The following PCNX1 variants were observed in gnomAD, a reference collection of about 807,000 sequenced individuals.
PCNX1 encodes the protein pecanex-like protein 1.
In PCNX1, 78 loss-of-function variants were observed where a neutral mutation model predicts 242.2. The ratio of observed to expected loss-of-function variants is 0.32; its 90% CI spans 0.27 to 0.39. The LOEUF (loss-of-function observed/expected upper bound fraction) is 0.39. Among genes scored for constraint, PCNX1 ranks in the 10% least tolerant of loss-of-function variants. PCNX1 has a pLI of 1.00. For missense variants in PCNX1, 2,581 were observed against 2,856.5 expected, an observed-to-expected ratio of 0.90 and a Z score of 2.20; for synonymous variants, 1,024 against 1,032.9, an observed-to-expected ratio of 0.99 and a Z score of 0.17.
chr14:71,004,815 A>G (rs903659848), intron 8 of PCNX1, among the ~76,000 whole-genome samples: 1 of 152,210 alleles, frequency 6.6e-6, no homozygotes, highest in African/African-American at 2.4e-5. Context: ...ACACAGTGCT[A>G]TCTCCATCAG....
chr14:71,109,332 T>A (rs903735957), intron 34 of PCNX1, 120 bp from the exon 35 acceptor site: 2 of 943,892 alleles, frequency 2.1e-6, no homozygotes, highest in Non-Finnish European at 1.6e-6. Context: ...ATTTTTTTTT[T>A]ATTCCATTAT....
intron 28 of PCNX1, among the ~76,000 whole-genome samples, chr14:71,086,515 G>A (rs2061993675): frequency 6.6e-6 from 1 of 152,146 alleles, no homozygotes; most frequent in African/African-American, 2.4e-5. Flanking sequence ...GGCTTGCTTT[G>A]GAGGGACCAG....
chr14:70,962,286 T>C lies in PCNX1; in HGVS notation c.423T>C (p.Gly141=), dbSNP rs2058243289. ...TCCGAGAGGCCACACCCCCAGTTGG[T>C]TGCAGTTCCAGAAATTCTTATGCCG... is the stretch of plus-strand genomic sequence containing the variant. The part of the protein sequence containing the change: ...EFIREATPPV[G]CSSRNSYAGL... The change falls in exon 3 of 36, where the codon GGT becomes GGC. Residue 141 remains glycine, a synonymous_variant. Coordinates refer to ENST00000304743, the MANE Select transcript of PCNX1 (RefSeq NM_014982.3). 6.2e-7 allele frequency: 1 copy of C among 1,613,564 alleles called. No homozygotes were observed. Among genetic ancestry groups the C allele is most frequent in the South Asian group, 1.1e-5 (1 of 91,066 alleles).
chr14:71,036,753 T>C (rs2060547813), intron 19 of PCNX1, among the ~76,000 whole-genome samples: 2 of 152,240 alleles, frequency 1.3e-5, no homozygotes, highest in African/African-American at 4.8e-5. Context: ...GATTTTAATA[T>C]TTGTCCGTAG....
intron 2 of PCNX1, among the ~76,000 whole-genome samples, chr14:70,949,326 T>TGTAG (rs1566608997): frequency 2.0e-5 from 3 of 148,558 alleles, no homozygotes; most frequent in Non-Finnish European, 3.0e-5. Context: ...TACACACGTG[T>TGTAG]ATACACGCAC....
chr14:70,973,404 T>C (rs1250889452), intron 5 of PCNX1, among the ~76,000 whole-genome samples: 2 of 152,112 alleles, frequency 1.3e-5, no homozygotes, highest in South Asian at 2.1e-4. Flanking sequence ...GAGAATGGAT[T>C]GACCAGCTTT....
intron 1 of PCNX1, among the ~76,000 whole-genome samples, chr14:70,937,161 G>T (rs1486783387): frequency 2.0e-5 from 3 of 152,054 alleles, no homozygotes; most frequent in Non-Finnish European, 2.9e-5. Context: ...GTCAATTTTG[G>T]CTTTTGTTGC....
chr14:70,947,258 A>G (rs1773337516), intron 2 of PCNX1, 135 bp downstream of exon 2: 3 of 659,134 alleles, frequency 4.6e-6, no homozygotes, highest in African/African-American at 3.6e-5. Context: ...TGTAGATACA[A>G]TGATGGGTAC....
At chr14:71,089,422 C>CA (rs1423199993) in intron 30 of PCNX1, 80 bp downstream of exon 30, 2 of 1,067,492 alleles carry the variant, frequency 1.9e-6, no homozygotes, top group East Asian at 2.5e-5. Context: ...AGTCCATTCT[C>CA]ACGCTGCTGT....
Position 71,068,594 on chromosome 14 carries a change from G to A in PCNX1, c.4853-4951G>A, listed in dbSNP as rs1008421260. Among the ~76,000 whole-genome samples, 55 of 135,888 alleles carry A rather than the reference G, an allele frequency of 4.0e-4. No individual in the cohort carries two copies. In the East Asian group the frequency reaches 9.3e-3, roughly 23 times the overall value. 89.1% of individuals were successfully genotyped at this position (135,888 alleles called of 152,430 possible). On this transcript the variant is annotated intron_variant, in intron 26 of 35. Transcript: ENST00000304743. ...TTTTTAGGTTTGTATGTACGTGCGT[G>A]TGTGTGTGTGTGTGTGTGTGTGTGT... is the stretch of plus-strand genomic sequence containing the variant.
At chr14:71,025,870 A>G (rs1391916373) in intron 13 of PCNX1, among the ~76,000 whole-genome samples, 1 of 152,206 alleles carries the variant, frequency 6.6e-6, no homozygotes, top group Non-Finnish European at 1.5e-5. Context: ...CCCTGTCTCA[A>G]AAAAACAAAC....
At chr14:71,008,414 T>C (rs567629854) in intron 8 of PCNX1, among the ~76,000 whole-genome samples, 39 of 152,128 alleles carry the variant, frequency 2.6e-4, no homozygotes, top group Non-Finnish European at 1.2e-4. Context: ...CCTAGTACTT[T>C]GGGAGGCTGA....
At chr14:70,931,859 C>T (rs1566581380) in intron 1 of PCNX1, among the ~76,000 whole-genome samples, 1 of 152,228 alleles carries the variant, frequency 6.6e-6, no homozygotes, top group South Asian at 2.1e-4. Context: ...CACGGTGGCT[C>T]ACGCCTGTAA....
intron 11 of PCNX1, among the ~76,000 whole-genome samples, chr14:71,017,893 T>TAAA (rs2060001120): frequency 6.6e-6 from 1 of 152,228 alleles, no homozygotes; most frequent in Non-Finnish European, 1.5e-5. Context: ...TTTATGAATT[T>TAAA]TATTTTTAGG....
chr14:70,984,544 G>A (rs1053887970), intron 6 of PCNX1, among the ~76,000 whole-genome samples: 3 of 150,764 alleles, frequency 2.0e-5, no homozygotes, highest in South Asian at 2.1e-4. Flanking sequence ...CCACCACCAC[G>A]CCCGGCTAAT....
chr14:70,924,710 C>T (rs552616157), intron 1 of PCNX1, among the ~76,000 whole-genome samples: 2 of 152,102 alleles, frequency 1.3e-5, no homozygotes, highest in African/African-American at 2.4e-5. Context: ...ACCTCAGCAT[C>T]CTGAGTAGCT....
rs1210154177 is a variant in PCNX1 at position 71,110,495 on chromosome 14, A to G, written c.*560A>G. 2 of 153,098 alleles carry G rather than the reference A, an allele frequency of 1.3e-5. No individual in the cohort carries two copies. Among genetic ancestry groups the G allele is most frequent in the Non-Finnish European group, 2.9e-5 (2 of 68,440 alleles). The allele number at this position is 153,098 out of a possible 1,614,324, so 9.5% of individuals were successfully genotyped here. A position where few individuals can be genotyped will look rare whatever the true frequency, so the allele number is the denominator to read the frequency against. ...AACTTTAATAAAAAAAACTGCACTA[A>G]TTTTTTACAGCAATGCACTAAAGTC... is the stretch of plus-strand genomic sequence containing the variant. On this transcript the variant is annotated 3_prime_UTR_variant, in exon 36 of 36. Coordinates refer to ENST00000304743, the MANE Select transcript of PCNX1 (RefSeq NM_014982.3).
intron 19 of PCNX1, among the ~76,000 whole-genome samples, chr14:71,037,389 A>C (rs2060571514): frequency 7.3e-6 from 1 of 136,118 alleles, no homozygotes; most frequent in African/African-American, 2.8e-5. Context: ...GAATGCTTCC[A>C]GTTTTTGCCC....
At chr14:70,967,713 CATA>C (rs2058422404) in intron 3 of PCNX1, among the ~76,000 whole-genome samples, 1 of 152,132 alleles carries the variant, frequency 6.6e-6, no homozygotes, top group Non-Finnish European at 1.5e-5. Context: ...AAAGAAGGTA[CATA>C]ATGATACACT....
Sources: gnomAD v4.1 joint callset for allele counts (sites outside exome capture counted in the v4.1 genomes callset) on GRCh38, gnomAD v4.1.1 for gene constraint, MANE v1.5 for transcripts, NCBI Gene and HGNC (gene_info 2026-07-23, HGNC 2026-07-21) for gene names.